The following NABP1 variants were observed in gnomAD, a reference collection of about 807,000 sequenced individuals.
NABP1 encodes SOSS complex subunit B2.
In NABP1, 18 loss-of-function variants were observed where a neutral mutation model predicts 25.0. The observed-to-expected ratio is 0.72, with a 90% CI of 0.50 to 1.07. NABP1 has a LOEUF of 1.07. NABP1 is among the 50% of genes least tolerant of loss of function. The pLI, the probability that NABP1 is intolerant of heterozygous loss-of-function variation, is 0.00. For missense variants in NABP1, 270 were observed against 255.6 expected, an observed-to-expected ratio of 1.06 and a Z score of -0.39; for synonymous variants, 71 against 85.0, an observed-to-expected ratio of 0.84 and a Z score of 0.91.
Position 191,684,275 on chromosome 2 carries a change from A to G in NABP1, c.424A>G (p.Thr142Ala), listed in dbSNP as rs745350302. 3.9e-6 allele frequency: 6 copies of G among 1,536,904 alleles called. No individual in the cohort carries two copies. The highest frequency in any genetic ancestry group is 5.2e-6 in the Non-Finnish European group (6 of 1,152,270). Residue 142 changes from threonine (T) to alanine (A), a missense_variant, in exon 5 of 6, where the codon ACA becomes GCA. By Grantham distance (58) the Thr-to-Ala change is moderately conservative. Coordinates refer to ENST00000425611, the MANE Select transcript of NABP1 (RefSeq NM_001031716.5). ...TAATTCCATGAATAGTAATATGGGT[A>G]CAGGTACATTTGGACCAGTGGGTAA... ...KNNSMNSNMG[T>A]GTFGPVGNGV...
chr2:191,685,540 A>T, intron 5 of NABP1, 59 bp from the exon 6 acceptor site: 2 of 1,434,916 alleles, frequency 1.4e-6, no homozygotes, highest in East Asian at 2.5e-5. Flanking sequence ...CACTTAAGAT[A>T]GTTCTACTTC....
At chr2:191,684,129 AAG>A in intron 4 of NABP1, 99 bp from the exon 5 acceptor site, 2 of 741,242 alleles carry the variant, frequency 2.7e-6, no homozygotes, top group Non-Finnish European at 4.1e-6. Context: ...AAAAAAAAAA[AAG>A]CCAAACCCAA....
Position 191,678,648 on chromosome 2 carries a change from A to G in NABP1, c.34A>G (p.Arg12Gly), listed in dbSNP as rs1207592229. 6.2e-7 allele frequency: 1 copy of G among 1,609,574 alleles called. No homozygotes were observed. Among genetic ancestry groups the G allele is most frequent in the Non-Finnish European group, 8.5e-7 (1 of 1,176,082 alleles). The change falls in exon 1 of 6, where the codon AGA becomes GGA. Residue 12 changes from arginine (R) to glycine (G), a missense_variant. Coordinates refer to ENST00000425611, the MANE Select transcript of NABP1 (RefSeq NM_001031716.5). ...NRVNDPLIFIRDIKPGLKNLN... is the reference protein window; with the variant it reads ...NRVNDPLIFIGDIKPGLKNLN... ...GGTCAACGACCCACTTATTTTTATA[A>G]GAGATATTAAGCCCGGACTGAAAAA...
rs1317473444 is a variant in NABP1 at position 191,679,332 on chromosome 2, T to C, written c.230+204T>C. The stretch of plus-strand genomic sequence containing the variant: ...GCAGTGAAAGGCAGTCGGTTTCAGC[T>C]GGGAAATCCGCGCCTCTACCCCGGT... On this transcript the variant is annotated intron_variant, in intron 2 of 5. Transcript: ENST00000425611. Among the ~76,000 whole-genome samples, 18 of 152,318 alleles carry C rather than the reference T, an allele frequency of 1.2e-4. 1 individual carries two copies. In the South Asian group the frequency reaches 2.1e-3, roughly 18 times the overall value.
chr2:191,682,114 T>G, intron 3 of NABP1, 97 bp downstream of exon 3: 1 of 671,944 alleles, frequency 1.5e-6, no homozygotes, highest in Non-Finnish European at 2.3e-6. Flanking sequence ...TTGGCTTTTT[T>G]GACTAGTAAA....
intron 3 of NABP1, 169 bp downstream of exon 3, chr2:191,682,186 C>G (rs2105643818): frequency 2.1e-6 from 1 of 478,634 alleles, no homozygotes; most frequent in East Asian, 3.7e-5. Context: ...TAACACTTGT[C>G]AGTACTGTTT....
chr2:191,679,461 C>G (rs577398183), intron 2 of NABP1, among the ~76,000 whole-genome samples: 1 of 152,350 alleles, frequency 6.6e-6, no homozygotes, highest in South Asian at 2.1e-4. Context: ...ACTGCAGCCT[C>G]CGCCTCGCGG....
intron 2 of NABP1, among the ~76,000 whole-genome samples, chr2:191,680,797 A>G (rs904219489): frequency 3.3e-5 from 5 of 152,198 alleles, no homozygotes; most frequent in Admixed American, 6.5e-5. Context: ...AGAAGTTACT[A>G]CACCTCATAC....
intron 2 of NABP1, 83 bp downstream of exon 2, chr2:191,679,211 G>T (rs923927789): frequency 1.9e-6 from 3 of 1,551,220 alleles, no homozygotes; most frequent in Non-Finnish European, 2.6e-6. Context: ...AAGCCCTGAA[G>T]TCCCCCGCCT....
intron 2 of NABP1, among the ~76,000 whole-genome samples, chr2:191,679,794 C>A (rs1687625860): frequency 6.6e-6 from 1 of 152,024 alleles, no homozygotes; most frequent in South Asian, 2.1e-4. Flanking sequence ...TGTTTCCCAC[C>A]CCTTCTCCAT....
Position 191,683,833 on chromosome 2 carries a change from G to A in NABP1, c.378+29G>A. 1 of 1,519,796 alleles carries A rather than the reference G, an allele frequency of 6.6e-7. No homozygotes were observed. The highest frequency in any genetic ancestry group is 9.0e-7 in the Non-Finnish European group (1 of 1,107,824). 94.1% of individuals were successfully genotyped at this position (1,519,796 alleles called of 1,614,324 possible). On this transcript the variant is annotated intron_variant, in intron 4 of 5. Coordinates refer to ENST00000425611, the MANE Select transcript of NABP1 (RefSeq NM_001031716.5). The surrounding 1 kb of genome is among the most constrained non-coding windows in gnomAD (Gnocchi z 4.1). ...ATTGTGTAGTATACTTTTATGATTA[G>A]GCTAATTTTGACTGTGTTATAATTC...
chr2:191,678,799 T>TACAA, intron 1 of NABP1, 94 bp downstream of exon 1: 1 of 803,952 alleles, frequency 1.2e-6, no homozygotes, highest in African/African-American at 1.8e-5. Flanking sequence ...GCTCCCCTCC[T>TACAA]CCTCCCTCCC....
At position 191,686,657 on chromosome 2, in the gene NABP1, T is replaced by TA. The variant is rs1359864266; in HGVS notation, c.*890dup. 9.8e-5 allele frequency: 15 copies of TA among 152,314 alleles called. 1 individual carries two copies. The East Asian group carries it at 2.7e-3, about 27-fold the overall frequency. The allele number at this position is 152,314 out of a possible 1,614,324, so 9.4% of individuals were successfully genotyped here. On this transcript the variant is annotated 3_prime_UTR_variant, in exon 6 of 6. Transcript: ENST00000425611. ...TCTGAAGTCCTAGTTACTTAATAGG[T>TA]ACTCAGCCTGGAGTGAAAATCCTGG...
intron 4 of NABP1, 40 bp from the exon 5 acceptor site, chr2:191,684,190 T>A (rs775993755): frequency 1.6e-6 from 2 of 1,282,510 alleles, no homozygotes; most frequent in South Asian, 2.7e-5. Flanking sequence ...TATAATTGTG[T>A]TTTTATTCTC....
chr2:191,679,107 A>ATAT lies in NABP1; in HGVS notation c.214_216dup (p.Ile72dup). 6.2e-7 allele frequency: 1 copy of ATAT among 1,614,112 alleles called. No homozygotes were observed. The highest frequency in any genetic ancestry group is 8.5e-7 in the Non-Finnish European group (1 of 1,180,014). ...ATCGGAGGTCTTATACAGCCAGGGGATATTATTCGGTTGACCAGAGGGTAG... is the reference window on the plus strand; with the variant it reads ...ATCGGAGGTCTTATACAGCCAGGGGATATTATTATTCGGTTGACCAGAGGGTAG... On this transcript the variant is annotated inframe_insertion, in exon 2 of 6. Transcript: ENST00000425611.
At position 191,678,613 on chromosome 2, in the gene NABP1, A is replaced by G. The variant is rs1687571461; in HGVS notation, c.-2A>G. On this transcript the variant is annotated 5_prime_UTR_variant, in exon 1 of 6. Coordinates refer to ENST00000425611, the MANE Select transcript of NABP1 (RefSeq NM_001031716.5). Reference sequence around the variant, plus strand: ...CGCAGCCGTAGCCGCGCCTGTCCCAATATGAATAGGGTCAACGACCCACTT... The same window carrying G: ...CGCAGCCGTAGCCGCGCCTGTCCCAGTATGAATAGGGTCAACGACCCACTT... 1 of 1,609,742 alleles carries G rather than the reference A, an allele frequency of 6.2e-7. No homozygotes were observed. Among genetic ancestry groups the G allele is most frequent in the Non-Finnish European group, 8.5e-7 (1 of 1,177,692 alleles).
chr2:191,679,803 A>C (rs1056390761), intron 2 of NABP1, among the ~76,000 whole-genome samples: 1 of 152,122 alleles, frequency 6.6e-6, no homozygotes, highest in Non-Finnish European at 1.5e-5. Flanking sequence ...CCCCTTCTCC[A>C]TTTTTAATGA....
At chr2:191,681,177 C>G (rs200832837) in intron 2 of NABP1, among the ~76,000 whole-genome samples, 3 of 152,040 alleles carry the variant, frequency 2.0e-5, no homozygotes, top group East Asian at 3.9e-4. Flanking sequence ...AATAAATAAC[C>G]CTTTAATTAA....
Position 191,678,426 on chromosome 2 carries a change from TTC to T in NABP1, c.-187_-186del, listed in dbSNP as rs1687561525. The T allele has an allele frequency of 7.3e-6, 2 of 273,826 alleles. No individual in the cohort carries two copies. The highest frequency in any genetic ancestry group is 1.7e-4 in the South Asian group (1 of 6,014). The allele number at this position is 273,826 out of a possible 1,614,324, so 17.0% of individuals were successfully genotyped here. A position where few individuals can be genotyped will look rare whatever the true frequency, so the allele number is the denominator to read the frequency against. ...GCCTTTTTTTTTTTTTTTTTTTTTTTTCTTTTTTTAGGCTCAGTGCTGTCCGG... is the reference window on the plus strand; with the variant it reads ...GCCTTTTTTTTTTTTTTTTTTTTTTTTTTTTTTAGGCTCAGTGCTGTCCGG... On this transcript the variant is annotated 5_prime_UTR_variant, in exon 1 of 6. Transcript: ENST00000425611.
Sources: gnomAD v4.1 joint callset for allele counts (sites outside exome capture counted in the v4.1 genomes callset) on GRCh38, gnomAD v4.1.1 for gene constraint, Gnocchi (gnomAD v3.1) non-coding constraint, MANE v1.5 for transcripts, NCBI Gene and HGNC (gene_info 2026-07-23, HGNC 2026-07-21) for gene names.